MMP26: variants seen among roughly 807,000 people sequenced by gnomAD.
MMP26 encodes the protein matrix metalloproteinase-26.
Under a neutral mutation model 31.0 loss-of-function variants are expected in MMP26, and 33 were observed. That is an observed-to-expected ratio of 1.06 (90% CI 0.81 to 1.42). The LOEUF is 1.42. MMP26 is among the 40% of genes most tolerant of loss of function. The pLI is 0.00. For missense variants in MMP26, 347 were observed against 316.1 expected (o/e 1.10, Z -0.74); for synonymous variants, 122 against 114.9 (o/e 1.06, Z -0.40).
chr11:4,811,446 AC>A (rs1849348777), intron 2 of MMP26, among the ~76,000 whole-genome samples: 1 of 152,158 alleles, frequency 6.6e-6, no homozygotes, highest in African/African-American at 2.4e-5. Context: ...GTAAATGAGA[AC>A]ATGTGGTATT....
chr11:4,725,401 T>G (rs898949446), intron 1 of MMP26, among the ~76,000 whole-genome samples: 4 of 152,218 alleles, frequency 2.6e-5, no homozygotes, highest in African/African-American at 7.2e-5. Flanking sequence ...AAATTGCAAA[T>G]GTCTTTTTAC....
chr11:4,781,134 T>C (rs1848853578), intron 2 of MMP26, among the ~76,000 whole-genome samples: 1 of 152,190 alleles, frequency 6.6e-6, no homozygotes, highest in East Asian at 1.9e-4. Context: ...GGGCTTATTT[T>C]ATACAGGCAT....
chr11:4,991,463 G>T lies in MMP26; in HGVS notation c.562G>T (p.Asp188Tyr), dbSNP rs1485111550. The stretch of plus-strand genomic sequence containing the variant: ...TGGAAATCCTGGAGTTGTCCATTTT[G>T]ACAAGAATGAACACTGGTCAGCTTC... The part of the protein sequence containing the change: ...NSGNPGVVHF[D>Y]KNEHWSASDT... The change falls in exon 6 of 8, where the codon GAC becomes TAC. Residue 188 changes from aspartate (D) to tyrosine (Y), a missense_variant. Asp to Tyr is a radical substitution (Grantham distance 160). Coordinates refer to ENST00000380390, the MANE Select transcript of MMP26 (RefSeq NM_021801.5). The T allele has an allele frequency of 1.2e-6, 2 of 1,613,806 alleles. No homozygotes were observed. The highest frequency in any genetic ancestry group is 2.2e-5 in the South Asian group (2 of 91,020).
intron 1 of MMP26, chr11:4,723,204 T>G: frequency 1.3e-6 from 2 of 1,540,272 alleles, no homozygotes; most frequent in Non-Finnish European, 1.8e-6. Context: ...AGGGAAGCCC[T>G]CTGGCCTTTG....
intron 2 of MMP26, among the ~76,000 whole-genome samples, chr11:4,798,753 G>A (rs1240026294): frequency 1.3e-5 from 2 of 152,214 alleles, no homozygotes; most frequent in African/African-American, 4.8e-5. Context: ...TGAACTTTTA[G>A]CTCTGTATTC....
intron 1 of MMP26, among the ~76,000 whole-genome samples, chr11:4,749,980 C>T (rs1006203176): frequency 6.6e-6 from 1 of 152,044 alleles, no homozygotes; most frequent in Non-Finnish European, 1.5e-5. Context: ...AATTAATCAA[C>T]AGAGTGAACA....
At chr11:4,928,786 C>G in intron 2 of MMP26, among the ~76,000 whole-genome samples, 1 of 152,184 alleles carries the variant, frequency 6.6e-6, no homozygotes, top group South Asian at 2.1e-4. Context: ...AGTGCACACA[C>G]TTCTCGCTTT....
At chr11:4,762,852 T>C (rs1016285668) in intron 1 of MMP26, among the ~76,000 whole-genome samples, 1 of 152,162 alleles carries the variant, frequency 6.6e-6, no homozygotes, top group Non-Finnish European at 1.5e-5. Flanking sequence ...TGAAAACTGG[T>C]CTACTAATAA....
intron 2 of MMP26, among the ~76,000 whole-genome samples, chr11:4,905,336 A>G (rs1850867319): frequency 6.6e-6 from 1 of 152,170 alleles, no homozygotes; most frequent in Admixed American, 6.6e-5. Context: ...ATGCAGAGCT[A>G]TTCACAAGTT....
chr11:4,986,216 T>C (rs1216512964), intron 2 of MMP26, among the ~76,000 whole-genome samples: 1 of 152,216 alleles, frequency 6.6e-6, no homozygotes, highest in Admixed American at 6.5e-5. Context: ...TTTTAACCTA[T>C]AAAATTTTTA....
chr11:4,846,270 G>T (rs1162003121), intron 2 of MMP26, among the ~76,000 whole-genome samples: 1 of 152,058 alleles, frequency 6.6e-6, no homozygotes, highest in East Asian at 1.9e-4. Context: ...TGAAATTAAA[G>T]GTCATTATAT....
rs1330238954 is a variant in MMP26, at chr11:4,755,817, A to G, written c.-216-11453A>G. Among the ~76,000 whole-genome samples, 5 of 152,200 alleles carry G rather than the reference A, an allele frequency of 3.3e-5. No individual in the cohort carries two copies. In the East Asian group the frequency reaches 9.6e-4, roughly 29 times the overall value. ...ATACATAGCTTTTAAGAAAAAAAATAAAAACTGAAGATGTCTTGTTTTGCA... is the reference window on the plus strand; with the variant it reads ...ATACATAGCTTTTAAGAAAAAAAATGAAAACTGAAGATGTCTTGTTTTGCA... On this transcript the variant is annotated intron_variant, in intron 1 of 7. Coordinates refer to ENST00000380390, the MANE Select transcript of MMP26 (RefSeq NM_021801.5).
intron 2 of MMP26, among the ~76,000 whole-genome samples, chr11:4,985,948 A>G (rs1166564181): frequency 6.6e-6 from 1 of 152,184 alleles, no homozygotes; most frequent in Non-Finnish European, 1.5e-5. Flanking sequence ...CTTGTTCTTG[A>G]GCCTCAAATA....
intron 1 of MMP26, chr11:4,752,941 G>A (rs1360745484): frequency 2.0e-5 from 3 of 152,176 alleles, no homozygotes; most frequent in Non-Finnish European, 2.9e-5. Context: ...CCCGTCAAGA[G>A]GAAAGTAGGG....
chr11:4,837,063 A>C (rs1041321312), intron 2 of MMP26, among the ~76,000 whole-genome samples: 4 of 152,200 alleles, frequency 2.6e-5, no homozygotes, highest in Non-Finnish European at 5.9e-5. Context: ...TTGGCAAACA[A>C]GATCAAAGAC....
intron 2 of MMP26, among the ~76,000 whole-genome samples, chr11:4,807,413 T>C (rs917302100): frequency 6.6e-6 from 1 of 152,308 alleles, no homozygotes; most frequent in South Asian, 2.1e-4. Context: ...GTGGCACATA[T>C]ACCCCATGGA....
At chr11:4,855,340 G>T (rs1291629975) in intron 2 of MMP26, among the ~76,000 whole-genome samples, 1 of 152,068 alleles carries the variant, frequency 6.6e-6, no homozygotes, top group East Asian at 1.9e-4. Context: ...TTAGATGAAT[G>T]GCTAACTAGG....
intron 2 of MMP26, among the ~76,000 whole-genome samples, chr11:4,891,262 G>A (rs1011858918): frequency 3.3e-5 from 5 of 152,092 alleles, no homozygotes; most frequent in African/African-American, 1.2e-4. Flanking sequence ...ATCTGGTTGG[G>A]CTCTGGGGAG....
At chr11:4,896,442 G>A (rs577882573) in intron 2 of MMP26, among the ~76,000 whole-genome samples, 1 of 152,098 alleles carries the variant, frequency 6.6e-6, no homozygotes, top group Admixed American at 6.5e-5. Context: ...ATTCCCAGAG[G>A]AGACCCTGGG....
Sources: allele counts gnomAD v4.1 joint callset (sites outside exome capture counted in the v4.1 genomes callset), GRCh38; gene constraint gnomAD v4.1.1; transcripts MANE v1.5; gene names NCBI Gene and HGNC (gene_info 2026-07-23, HGNC 2026-07-21).